Variants in TSEN15 observed in about 807,000 individuals in gnomAD.
TSEN15 encodes the protein tRNA-splicing endonuclease subunit Sen15.
A neutral mutation model predicts 20.5 loss-of-function variants in TSEN15; 10 were observed. The observed-to-expected ratio is 0.49, with a 90% CI of 0.30 to 0.83. The LOEUF (loss-of-function observed/expected upper bound fraction) is 0.83, where lower values mean the gene tolerates loss of function less well. Among genes scored for constraint, TSEN15 ranks in the 40% least tolerant of loss-of-function variants. The probability of loss-of-function intolerance (pLI) is 0.06; values close to 1 mark genes in which losing one functional copy is unlikely to be tolerated. For synonymous variants in TSEN15, 72 were observed against 80.1 expected, an observed-to-expected ratio of 0.90 and a Z score of 0.54; for missense variants, 180 against 218.6, an observed-to-expected ratio of 0.82 and a Z score of 1.11.
At chr1:184,094,682 G>A (rs971729920) in intron 3 of TSEN15, 17 of 233,276 alleles carry the variant, frequency 7.3e-5, no homozygotes, top group African/African-American at 3.4e-4. Context: ...TCAGGATGAA[G>A]GCTGTCTCTC....
chr1:184,072,481 C>T lies in TSEN15; in HGVS notation c.495+183C>T, dbSNP rs759611164. 2.6e-5 allele frequency: 16 copies of T among 607,740 alleles called. No individual in the cohort carries two copies. In the East Asian group the frequency reaches 4.7e-4, roughly 18 times the overall value. 37.6% of individuals were successfully genotyped at this position (607,740 alleles called of 1,614,324 possible). On this transcript the variant is annotated intron_variant, in intron 4 of 4. Coordinates refer to ENST00000645668, the MANE Select transcript of TSEN15 (RefSeq NM_052965.4). ...TATATTTTGTTCAAAGTAGCATGTT[C>T]CTAGTTATTTTTGCAAAAAAAAAAT...
chr1:184,055,284 C>A (rs749312997), intron 3 of TSEN15, among the ~76,000 whole-genome samples: 18 of 152,058 alleles, frequency 1.2e-4, no homozygotes, highest in Non-Finnish European at 1.8e-4. Flanking sequence ...CCAGATCTCA[C>A]GAGAACTCAT....
intron 3 of TSEN15, among the ~76,000 whole-genome samples, chr1:184,066,082 A>AT (rs1444395430): frequency 7.2e-5 from 11 of 152,070 alleles, no homozygotes; most frequent in Non-Finnish European, 1.5e-5. Context: ...AAGGCATCCT[A>AT]TTTTGTCTTC....
At chr1:184,076,209 CATG>C (rs1379362532), downstream of TSEN15, among the ~76,000 whole-genome samples, 1 of 152,098 alleles carries the variant, frequency 6.6e-6, no homozygotes, top group Non-Finnish European at 1.5e-5. Context: ...ATTTTTCCAA[CATG>C]ATCATTTCAT....
Position 184,051,855 on chromosome 1 carries a change from GC to G in TSEN15, c.104del (p.Pro35LeufsTer13). The G allele has an allele frequency of 6.4e-7, 1 of 1,552,750 alleles. No individual in the cohort carries two copies. Among genetic ancestry groups the G allele is most frequent in the South Asian group, 1.2e-5 (1 of 83,466 alleles). ...FGDGGGAPSWAPEDAWMGTHP... is the reference protein window; with the variant it reads ...FGDGGGAPSWXPEDAWMGTHP... ...CGACGGCGGTGGAGCTCCTTCGTGG[GC>G]CCCTGAGGACGCCTGGATGGGCACT... On this transcript the variant is annotated frameshift_variant, in exon 1 of 5. Coordinates refer to ENST00000645668, the MANE Select transcript of TSEN15 (RefSeq NM_052965.4). LOFTEE classifies it high-confidence loss of function.
intron 3 of TSEN15, among the ~76,000 whole-genome samples, chr1:184,080,585 C>T: frequency 6.6e-6 from 1 of 152,134 alleles, no homozygotes. Context: ...ATCAAAATGT[C>T]AAGCTGTTTG....
At chr1:184,063,458 A>G (rs1650537716) in intron 3 of TSEN15, among the ~76,000 whole-genome samples, 1 of 152,216 alleles carries the variant, frequency 6.6e-6, no homozygotes, top group African/African-American at 2.4e-5. Flanking sequence ...CACATTAGAA[A>G]TGAATGTCAG....
intron 3 of TSEN15, among the ~76,000 whole-genome samples, chr1:184,061,012 C>G (rs555205680): frequency 1.8e-4 from 27 of 152,210 alleles, no homozygotes; most frequent in African/African-American, 6.3e-4. Flanking sequence ...TTTCTTCCCC[C>G]CCAAAATAGC....
In TSEN15 at chr1:184,051,840, G is replaced by A. The variant is rs1472696386; in HGVS notation, c.85G>A (p.Gly29Arg). Residue 29 changes from glycine to arginine, a missense_variant, in exon 1 of 5, where the codon GGA becomes AGA. By Grantham distance (125) the Gly-to-Arg change is moderately radical. Around this residue, in one of 3 missense-constraint regions of TSEN15, gnomAD observed 76 missense variants for 66.5 expected, o/e 1.14. Coordinates refer to ENST00000645668, the MANE Select transcript of TSEN15 (RefSeq NM_052965.4). The part of the protein sequence containing the change: ...GGVRGFGDGG[G>R]APSWAPEDAW... ...TGTTCGCGGCTTTGGCGACGGCGGT[G>A]GAGCTCCTTCGTGGGCCCCTGAGGA... 5 of 1,550,218 alleles carry A rather than the reference G, an allele frequency of 3.2e-6. No homozygotes were observed. The African/African-American group carries it at 4.1e-5, about 13-fold the overall frequency.
chr1:184,069,396 T>C (rs1650803759), intron 3 of TSEN15, among the ~76,000 whole-genome samples: 1 of 152,286 alleles, frequency 6.6e-6, no homozygotes, highest in Non-Finnish European at 1.5e-5. Context: ...AAGAATTTTA[T>C]CGTTTATTGT....
chr1:184,053,820 A>G (rs998264313), intron 1 of TSEN15, among the ~76,000 whole-genome samples: 8 of 152,252 alleles, frequency 5.3e-5, no homozygotes, highest in South Asian at 2.1e-4. Context: ...CTCTCCATAT[A>G]CAAATAAGAG....
intron 3 of TSEN15, among the ~76,000 whole-genome samples, chr1:184,079,659 A>G (rs920059098): frequency 2.6e-5 from 4 of 152,258 alleles, no homozygotes; most frequent in South Asian, 2.1e-4. Flanking sequence ...CAGCGCCATC[A>G]GATTAGGGCC....
chr1:184,082,287 A>C (rs898052915), intron 3 of TSEN15, among the ~76,000 whole-genome samples: 5 of 152,126 alleles, frequency 3.3e-5, no homozygotes, highest in Non-Finnish European at 7.4e-5. Context: ...TGGGTCTCTC[A>C]TGACTTTTTC....
intron 3 of TSEN15, chr1:184,093,562 G>A (rs926646377): frequency 1.3e-5 from 2 of 152,178 alleles, no homozygotes; most frequent in South Asian, 2.1e-4. Flanking sequence ...TTATTTTTTT[G>A]TAGGTAGGTA....
chr1:184,076,795 C>T (rs965069074), downstream of TSEN15, among the ~76,000 whole-genome samples: 1 of 152,102 alleles, frequency 6.6e-6, no homozygotes, highest in Admixed American at 6.6e-5. Context: ...TACAACATTC[C>T]CTTAAGCCAA....
Position 184,054,862 on chromosome 1 carries a change from A to G in TSEN15, c.352A>G (p.Arg118Gly), listed in dbSNP as rs1227313057. Residue 118 changes from arginine (R) to glycine (G), a missense_variant and splice_region_variant, in exon 3 of 5, where the codon AGG becomes GGG. Coordinates refer to ENST00000645668, the MANE Select transcript of TSEN15 (RefSeq NM_052965.4). ...CATCACTGCTTCCCTCAGCCATAAC[A>G]GGTGAGCAGGTGATTTTGGTCTAAG... ...TPITASLSHNRIREILKASRK... is the reference protein window; with the variant it reads ...TPITASLSHNGIREILKASRK... 2 of 1,607,668 alleles carry G rather than the reference A, an allele frequency of 1.2e-6. No homozygotes were observed. The highest frequency in any genetic ancestry group is 8.5e-7 in the Non-Finnish European group (1 of 1,177,182).
intron 3 of TSEN15, among the ~76,000 whole-genome samples, chr1:184,055,685 A>G (rs1357765592): frequency 6.6e-6 from 1 of 152,180 alleles, no homozygotes; most frequent in African/African-American, 2.4e-5. Flanking sequence ...GACTTTTTTT[A>G]GGACCTTTTT....
At chr1:184,066,014 T>C (rs1650642787) in intron 3 of TSEN15, among the ~76,000 whole-genome samples, 2 of 152,194 alleles carry the variant, frequency 1.3e-5, no homozygotes, top group Admixed American at 1.3e-4. Context: ...GAATCTGATA[T>C]AATTTTTTTC....
chr1:184,073,997 T>G lies in TSEN15; in HGVS notation c.*1150T>G, dbSNP rs1218651199. On this transcript the variant is annotated 3_prime_UTR_variant, in exon 5 of 5. Transcript: ENST00000645668. Reference sequence around the variant, plus strand: ...TTAGTAATGAATATTATTAAAAACATGAAAATATTACCTTAAGTAAAAATT... The same window carrying G: ...TTAGTAATGAATATTATTAAAAACAGGAAAATATTACCTTAAGTAAAAATT... 1.3e-5 allele frequency: 2 copies of G among 152,150 alleles called. No individual in the cohort carries two copies. The highest frequency in any genetic ancestry group is 2.9e-5 in the Non-Finnish European group (2 of 68,012). 9.4% of individuals were successfully genotyped at this position (152,150 alleles called of 1,614,324 possible).
Sources: gnomAD v4.1 joint callset for allele counts (sites outside exome capture counted in the v4.1 genomes callset) on GRCh38, gnomAD v4.1.1 for gene constraint, gnomAD v4.1.1 regional missense constraint, MANE v1.5 for transcripts, NCBI Gene and HGNC (gene_info 2026-07-23, HGNC 2026-07-21) for gene names.